Variants in COL1A2 observed in about 807,000 individuals in gnomAD.
COL1A2 encodes the protein collagen type I alpha 2 chain, also known as collagen alpha-2(I) chain.
COL1A2 carries 49 observed loss-of-function variants against 174.3 expected under a neutral mutation model. That is an observed-to-expected ratio of 0.28 (90% CI 0.22 to 0.36). The LOEUF (loss-of-function observed/expected upper bound fraction) is 0.36. COL1A2 is among the 10% of genes least tolerant of loss of function. The pLI is 1.00. For missense variants in COL1A2, 1,438 were observed against 1,822.7 expected (o/e 0.79, Z 3.84); for synonymous variants, 655 against 606.6 (o/e 1.08, Z -1.17).
intron 27 of COL1A2, 21 bp from the exon 28 acceptor site, chr7:94,413,871 GCT>G (rs2115908882): frequency 6.2e-7 from 1 of 1,613,810 alleles, no homozygotes; most frequent in East Asian, 2.2e-5. Flanking sequence ...TGCTATTTAT[GCT>G]CTCTTTCCTG....
intron 24 of COL1A2, among the ~76,000 whole-genome samples, chr7:94,412,363 G>A (rs1791945246): frequency 6.6e-6 from 1 of 151,814 alleles, no homozygotes; most frequent in Non-Finnish European, 1.5e-5. Context: ...GGATGCAAGA[G>A]AAGGGAATGA....
At chr7:94,427,578 C>T in intron 48 of COL1A2, 49 bp from the exon 49 acceptor site, 1 of 1,608,036 alleles carries the variant, frequency 6.2e-7, no homozygotes, top group Non-Finnish European at 8.5e-7. Flanking sequence ...GGATGTCTCT[C>T]ACTGTAACAA....
In COL1A2 at chr7:94,430,450, T is replaced by C. The variant is rs1792376361; in HGVS notation, c.*57T>C. On this transcript the variant is annotated 3_prime_UTR_variant, in exon 52 of 52. Transcript: ENST00000297268. ...ATTTGAAAAAACTTTCTCTTTGCCA[T>C]TTCTTCTTCTTCTTTTTTAACTGAA... The C allele has an allele frequency of 1.3e-6, 2 of 1,562,378 alleles. No individual in the cohort carries two copies. Among genetic ancestry groups the C allele is most frequent in the Admixed American group, 1.7e-5 (1 of 59,166 alleles).
Position 94,417,540 on chromosome 7 carries a change from C to A in COL1A2, c.1864-184C>A, listed in dbSNP as rs80230076. 3.2e-3 allele frequency: 1,956 copies of A among 618,738 alleles called. 23 individuals are homozygous for A. The highest frequency in any genetic ancestry group is 0.031 in the African/African-American group (1,744 of 55,384). 38.3% of individuals were successfully genotyped at this position (618,738 alleles called of 1,614,324 possible). A position where few individuals can be genotyped will look rare whatever the true frequency, so the allele number is the denominator to read the frequency against. On this transcript the variant is annotated intron_variant, in intron 31 of 51. Coordinates refer to ENST00000297268, the MANE Select transcript of COL1A2 (RefSeq NM_000089.4). ...CCACTACCCTCATCTCTTCAGTCAC[C>A]ATGTCATTAACAGCATCTCTCTCTG...
Position 94,420,218 on chromosome 7 carries a change from T to C in COL1A2, c.2080-15T>C. The C allele has an allele frequency of 6.2e-7, 1 of 1,613,024 alleles. No homozygotes were observed. Among genetic ancestry groups the C allele is most frequent in the Non-Finnish European group, 8.5e-7 (1 of 1,180,036 alleles). On this transcript the variant is annotated splice_polypyrimidine_tract_variant and intron_variant, in intron 34 of 51. Coordinates refer to ENST00000297268, the MANE Select transcript of COL1A2 (RefSeq NM_000089.4). ...GTCAGGCACATTAACAGATTCATCT[T>C]TGGTCCCATTATAGGGCGAAGCTGG... is the stretch of plus-strand genomic sequence containing the variant.
At chr7:94,398,813 C>A (rs1326733183) in intron 3 of COL1A2, among the ~76,000 whole-genome samples, 1 of 151,914 alleles carries the variant, frequency 6.6e-6, no homozygotes, top group Non-Finnish European at 1.5e-5. Context: ...ATAGTATTGA[C>A]CTAATAGCTG....
intron 48 of COL1A2, 45 bp downstream of exon 48, chr7:94,427,340 G>T: frequency 6.6e-7 from 1 of 1,526,296 alleles, no homozygotes; most frequent in South Asian, 1.2e-5. Flanking sequence ...ACGGACCTAA[G>T]GAATGTTTTC....
rs914374803 is a variant in COL1A2 at position 94,416,320 on chromosome 7, C to A, written c.1765-85C>A. On this transcript the variant is annotated intron_variant, in intron 30 of 51. Transcript: ENST00000297268. ...ATAAATGCAAACCAGGGCTCGGAAG[C>A]TACACAAATGTAAACTCTCATATGT... is the stretch of plus-strand genomic sequence containing the variant. 18 of 1,199,128 alleles carry A rather than the reference C, an allele frequency of 1.5e-5. No homozygotes were observed. The African/African-American group carries it at 2.3e-4, about 15-fold the overall frequency. 74.3% of individuals were successfully genotyped at this position (1,199,128 alleles called of 1,614,324 possible). A position where few individuals can be genotyped will look rare whatever the true frequency, so the allele number is the denominator to read the frequency against.
At chr7:94,422,420 GA>G (rs971051433) in intron 39 of COL1A2, 21 of 157,250 alleles carry the variant, frequency 1.3e-4, no homozygotes, top group Admixed American at 3.7e-4. Flanking sequence ...AGGTTTCTGG[GA>G]AAAAAAAATA....
intron 30 of COL1A2, among the ~76,000 whole-genome samples, chr7:94,415,819 T>C (rs1792029359): frequency 6.6e-6 from 1 of 152,202 alleles, no homozygotes; most frequent in Non-Finnish European, 1.5e-5. Context: ...AACGTGGACC[T>C]ATGTGATAAA....
intron 5 of COL1A2, among the ~76,000 whole-genome samples, chr7:94,401,313 A>G (rs1410755063): frequency 6.6e-6 from 1 of 152,130 alleles, no homozygotes; most frequent in East Asian, 1.9e-4. Flanking sequence ...AGGCAGAGGA[A>G]GGGCTCAAAA....
In COL1A2 at chr7:94,425,218, T is replaced by A. The variant is rs1350651224; in HGVS notation, c.2775T>A (p.Gly925=). 1 of 1,613,926 alleles carries A rather than the reference T, an allele frequency of 6.2e-7. No individual in the cohort carries two copies. The highest frequency in any genetic ancestry group is 1.1e-5 in the South Asian group (1 of 91,088). ...PGVNGAPGEA[G]RDGNPGNDGP... is the part of the protein sequence containing the mutation. Reference sequence around the variant, plus strand: ...TCAACGGTGCTCCTGGTGAAGCTGGTCGTGATGTGAGTCCAACACTTGGTT... The same window carrying A: ...TCAACGGTGCTCCTGGTGAAGCTGGACGTGATGTGAGTCCAACACTTGGTT... Residue 925 remains glycine (G), a synonymous_variant, in exon 42 of 52, where the codon GGT becomes GGA. Transcript: ENST00000297268.
chr7:94,412,281 A>G (rs41316941), intron 24 of COL1A2, among the ~76,000 whole-genome samples, 160 bp downstream of exon 24: 72 of 152,164 alleles, frequency 4.7e-4, no homozygotes, highest in Admixed American at 2.6e-3. Flanking sequence ...ATGGAGTCCA[A>G]ATGAATACAG....
In COL1A2 at chr7:94,404,936, C is replaced by T. The variant is rs376828503; in HGVS notation, c.432+44C>T. On this transcript the variant is annotated intron_variant, in intron 9 of 51. Coordinates refer to ENST00000297268, the MANE Select transcript of COL1A2 (RefSeq NM_000089.4). ...GCACTTTCAAAATGCTATTTAAATA[C>T]TCTTGCCTCAACAAGATTTTCTAGA... 5 of 1,602,218 alleles carry T rather than the reference C, an allele frequency of 3.1e-6. No individual in the cohort carries two copies. The East Asian group carries it at 6.7e-5, about 21-fold the overall frequency.
rs200744314 is a variant in COL1A2, at chr7:94,406,308, A to T, written c.594+5A>T. 4,702 of 1,613,754 alleles carry T rather than the reference A, an allele frequency of 2.9e-3. 20 individuals are homozygous for T. Among genetic ancestry groups the T allele is most frequent in the Middle Eastern group, 0.014 (84 of 6,062 alleles). The stretch of plus-strand genomic sequence containing the variant: ...CCCGGTGCTCCTGGTGTGAAGGTAA[A>T]TATTAAATTAGAAGCACTGTTTTTA... On this transcript the variant is annotated splice_donor_5th_base_variant and intron_variant, in intron 12 of 51. Coordinates refer to ENST00000297268, the MANE Select transcript of COL1A2 (RefSeq NM_000089.4).
chr7:94,413,250 CA>C (rs1473492755), intron 26 of COL1A2, 114 bp downstream of exon 26: 2 of 1,085,212 alleles, frequency 1.8e-6, no homozygotes, highest in Admixed American at 1.7e-5. Context: ...ATGGCATCCC[CA>C]GGGGTCCTTT....
rs1031627441 is a variant in COL1A2 at position 94,429,496 on chromosome 7, G to A, written c.3954+66G>A. ...GATGGAGGGGGTTCTAACTTAGACTGCCCCCAAGGGGGGGTCTAAAGGGGG... is the reference window on the plus strand; with the variant it reads ...GATGGAGGGGGTTCTAACTTAGACTACCCCCAAGGGGGGGTCTAAAGGGGG... On this transcript the variant is annotated intron_variant, in intron 51 of 51. Coordinates refer to ENST00000297268, the MANE Select transcript of COL1A2 (RefSeq NM_000089.4). 10 of 1,576,906 alleles carry A rather than the reference G, an allele frequency of 6.3e-6. No homozygotes were observed. In the Admixed American group the frequency reaches 1.0e-4, roughly 16 times the overall value.
Position 94,428,874 on chromosome 7 carries a change from A to G in COL1A2, c.3712-314A>G, listed in dbSNP as rs563573237. Among the ~76,000 whole-genome samples, 18 of 151,850 alleles carry G rather than the reference A, an allele frequency of 1.2e-4. No individual in the cohort carries two copies. The South Asian group carries it at 3.3e-3, about 28-fold the overall frequency. Reference sequence around the variant, plus strand: ...ATTCCATAAATTACAAAATGACAGAAAAAGAAAAATGTCAGAATTTCTACC... The same window carrying G: ...ATTCCATAAATTACAAAATGACAGAGAAAGAAAAATGTCAGAATTTCTACC... On this transcript the variant is annotated intron_variant, in intron 50 of 51. Transcript: ENST00000297268.
Position 94,409,767 on chromosome 7 carries a change from C to G in COL1A2, c.981C>G (p.Arg327=). Residue 327 remains arginine (R), a synonymous_variant, in exon 19 of 52, where the codon CGC becomes CGG. Coordinates refer to ENST00000297268, the MANE Select transcript of COL1A2 (RefSeq NM_000089.4). ...GGGCTCCCGGCCTCCCTGGACCCCG[C>G]GGTATTCCTGGCCCTGTTGGTGCTG... ...VAGAPGLPGP[R]GIPGPVGAAG... is the part of the protein sequence containing the mutation. The G allele has an allele frequency of 6.2e-7, 1 of 1,614,132 alleles. No homozygotes were observed. Among genetic ancestry groups the G allele is most frequent in the Non-Finnish European group, 8.5e-7 (1 of 1,180,024 alleles).
Sources: allele counts gnomAD v4.1 joint callset (sites outside exome capture counted in the v4.1 genomes callset), GRCh38; gene constraint gnomAD v4.1.1; transcripts MANE v1.5; gene names NCBI Gene and HGNC (gene_info 2026-07-23, HGNC 2026-07-21).